Variants in EML6 observed in about 807,000 individuals in gnomAD.
The protein encoded by EML6 is echinoderm microtubule-associated protein-like 6.
EML6 carries 154 observed loss-of-function variants against 240.1 expected under a neutral mutation model. The ratio of observed to expected loss-of-function variants is 0.64; its 90% confidence interval spans 0.56 to 0.73. The LOEUF is 0.73. Among genes scored for constraint, EML6 ranks in the 30% least tolerant of loss-of-function variants. EML6 has a pLI of 0.00. For missense variants in EML6, 2,964 were observed against 2,474.6 expected (o/e 1.20, Z -4.20); for synonymous variants, 1,148 against 899.0 (o/e 1.28, Z -4.95).
Position 54,816,834 on chromosome 2 carries a change from G to C in EML6, c.405G>C (p.Trp135Cys), listed in dbSNP as rs374066595. 7.6e-5 allele frequency: 118 copies of C among 1,551,386 alleles called. No homozygotes were observed. The highest frequency in any genetic ancestry group is 1.0e-4 in the Non-Finnish European group (117 of 1,146,886). The change falls in exon 4 of 42, where the codon TGG (tryptophan) becomes TGC (cysteine). Residue 135 changes from tryptophan to cysteine, a missense_variant. Transcript: ENST00000356458. ...ATGCCAAAAACACAGTCTGCATTTGGGACTGGAGGAAGGGAAAACTTCTGG... is the reference window on the plus strand; with the variant it reads ...ATGCCAAAAACACAGTCTGCATTTGCGACTGGAGGAAGGGAAAACTTCTGG... ...GLDAKNTVCI[W>C]DWRKGKLLAS...
chr2:54,780,390 C>T (rs1439810062), intron 2 of EML6, among the ~76,000 whole-genome samples: 2 of 152,198 alleles, frequency 1.3e-5, no homozygotes, highest in African/African-American at 4.8e-5. Flanking sequence ...TAGCTTTAGA[C>T]TTGCATAGAT....
chr2:54,780,812 T>C (rs1483687592), intron 2 of EML6, among the ~76,000 whole-genome samples: 2 of 152,226 alleles, frequency 1.3e-5, no homozygotes, highest in Non-Finnish European at 2.9e-5. Flanking sequence ...GTCACACGAA[T>C]AATGATTTGA....
intron 2 of EML6, among the ~76,000 whole-genome samples, chr2:54,794,489 G>GA (rs1467919611): frequency 6.6e-6 from 1 of 152,158 alleles, no homozygotes; most frequent in African/African-American, 2.4e-5. Flanking sequence ...GTAGGGACAG[G>GA]ACGGGGAAGG....
At chr2:54,852,395 T>C (rs115240128) in intron 10 of EML6, among the ~76,000 whole-genome samples, 2,932 of 152,324 alleles carry the variant, frequency 0.019, 92 homozygotes, top group African/African-American at 0.066. Flanking sequence ...ATTTTTTCTA[T>C]GTGAAAAAAT....
At chr2:54,934,425 A>G (rs181766252) in intron 28 of EML6, among the ~76,000 whole-genome samples, 75 of 152,148 alleles carry the variant, frequency 4.9e-4, no homozygotes, top group African/African-American at 1.7e-3. Flanking sequence ...GGGAAGGTCA[A>G]TTTTTAGACA....
chr2:54,799,935 G>C (rs542500495), intron 2 of EML6, among the ~76,000 whole-genome samples: 1 of 152,172 alleles, frequency 6.6e-6, no homozygotes, highest in Non-Finnish European at 1.5e-5. Context: ...AAACTGGTTG[G>C]TACACTTTAT....
At chr2:54,943,215 C>T (rs1380149651) in intron 28 of EML6, among the ~76,000 whole-genome samples, 1 of 152,180 alleles carries the variant, frequency 6.6e-6, no homozygotes, top group Non-Finnish European at 1.5e-5. Flanking sequence ...ATTTTGCTTC[C>T]CATCCTTCAC....
intron 26 of EML6, among the ~76,000 whole-genome samples, chr2:54,923,901 C>T (rs968587391): frequency 6.6e-6 from 1 of 152,024 alleles, no homozygotes; most frequent in Non-Finnish European, 1.5e-5. Context: ...TGCTTTTTAT[C>T]CAGCTTCTTT....
At chr2:54,892,042 C>G (rs546136490) in intron 18 of EML6, among the ~76,000 whole-genome samples, 2 of 149,430 alleles carry the variant, frequency 1.3e-5, no homozygotes, top group African/African-American at 4.8e-5. Flanking sequence ...TTTTGGTCAG[C>G]ATTCATGAAG....
intron 28 of EML6, among the ~76,000 whole-genome samples, chr2:54,944,973 C>T (rs969820858): frequency 7.5e-5 from 11 of 147,016 alleles, no homozygotes; most frequent in South Asian, 2.2e-4. Context: ...CTGTGTTTCT[C>T]GCCCCTCCCT....
At chr2:54,735,507 A>G (rs1022778505) in intron 2 of EML6, among the ~76,000 whole-genome samples, 7 of 152,204 alleles carry the variant, frequency 4.6e-5, no homozygotes, top group Non-Finnish European at 7.3e-5. Context: ...TTTTAAGAGA[A>G]TATTTGAATG....
chr2:54,915,353 T>TTAG (rs1673856451), intron 25 of EML6, among the ~76,000 whole-genome samples: 1 of 152,058 alleles, frequency 6.6e-6, no homozygotes, highest in South Asian at 2.1e-4. Context: ...TAGGAGAGTC[T>TTAG]TAGAGATGGA....
At chr2:54,908,838 A>G (rs893664769) in intron 24 of EML6, among the ~76,000 whole-genome samples, 1 of 152,104 alleles carries the variant, frequency 6.6e-6, no homozygotes, top group Admixed American at 6.5e-5. Flanking sequence ...GCCCAGTGTG[A>G]GCCTGGCCCC....
intron 26 of EML6, among the ~76,000 whole-genome samples, chr2:54,928,057 T>C (rs1674650709): frequency 6.6e-6 from 1 of 152,186 alleles, no homozygotes. Context: ...GTCTATAGAT[T>C]CCCAGAAAAT....
intron 13 of EML6, among the ~76,000 whole-genome samples, chr2:54,864,345 AG>A (rs1670849340): frequency 6.6e-6 from 1 of 152,228 alleles, no homozygotes; most frequent in Non-Finnish European, 1.5e-5. Flanking sequence ...ATTTAATCAA[AG>A]TAATTATCTA....
chr2:54,732,290 TTTTTC>T (rs1350050686), intron 2 of EML6, among the ~76,000 whole-genome samples: 1 of 152,132 alleles, frequency 6.6e-6, no homozygotes, highest in East Asian at 1.9e-4. Flanking sequence ...AGTACAAAAG[TTTTTC>T]ATTTTGATGA....
intron 17 of EML6, among the ~76,000 whole-genome samples, chr2:54,888,990 GAGTTCTT>G (rs1398124913): frequency 6.6e-6 from 1 of 152,272 alleles, no homozygotes; most frequent in East Asian, 1.9e-4. Context: ...CAATTAACAA[GAGTTCTT>G]AGCACTCCAC....
At chr2:54,786,702 A>G (rs368827061) in intron 2 of EML6, among the ~76,000 whole-genome samples, 10 of 152,362 alleles carry the variant, frequency 6.6e-5, no homozygotes, top group African/African-American at 2.4e-4. Context: ...AATGGAGCAA[A>G]CAATTAGAAT....
rs367871297 is a variant in EML6, at chr2:54,899,722, C to G, written c.3064C>G (p.Leu1022Val). 11 of 1,552,124 alleles carry G rather than the reference C, an allele frequency of 7.1e-6. No homozygotes were observed. Among genetic ancestry groups the G allele is most frequent in the East Asian group, 2.4e-5 (1 of 40,970 alleles). The part of the protein sequence containing the change: ...ICATVSDDKT[L>V]RIWELSAQHR... The stretch of plus-strand genomic sequence containing the variant: ...TGCAACAGTGAGCGATGATAAAACA[C>G]TTCGCATCTGGGAACTATCTGCCCA... The change falls in exon 22 of 42, where the codon CTT becomes GTT. Residue 1022 changes from leucine (L) to valine (V), a missense_variant. Coordinates refer to ENST00000356458, the MANE Select transcript of EML6 (RefSeq NM_001039753.4).
Sources: allele counts gnomAD v4.1 joint callset (sites outside exome capture counted in the v4.1 genomes callset), GRCh38; gene constraint gnomAD v4.1.1; transcripts MANE v1.5; gene names NCBI Gene and HGNC (gene_info 2026-07-23, HGNC 2026-07-21).